ZFPM2: variants seen among roughly 807,000 people sequenced by gnomAD.
The protein encoded by ZFPM2 is zinc finger protein ZFPM2.
ZFPM2 carries 20 observed loss-of-function variants against 98.6 expected under a neutral mutation model. The ratio of observed to expected loss-of-function variants is 0.20; its 90% CI spans 0.14 to 0.29. The LOEUF (loss-of-function observed/expected upper bound fraction) is 0.29. Ranked by LOEUF, ZFPM2 falls within the 10% of genes least tolerant of loss-of-function variation. ZFPM2 has a pLI of 1.00. For synonymous variants in ZFPM2, 518 were observed against 502.7 expected, an observed-to-expected ratio of 1.03 and a Z score of -0.41; for missense variants, 1,310 against 1,388.6, an observed-to-expected ratio of 0.94 and a Z score of 0.90.
chr8:105,718,968 T>C (rs1811592504), intron 5 of ZFPM2, among the ~76,000 whole-genome samples: 2 of 151,826 alleles, frequency 1.3e-5, no homozygotes, highest in African/African-American at 4.8e-5. Flanking sequence ...GATTTAAGCC[T>C]CTAACTCAAA....
intron 3 of ZFPM2, among the ~76,000 whole-genome samples, chr8:105,544,786 A>G (rs1436137245): frequency 6.6e-6 from 1 of 152,208 alleles, no homozygotes; most frequent in East Asian, 1.9e-4. Context: ...GGTGATGCTC[A>G]TTACATGTTT....
intron 3 of ZFPM2, among the ~76,000 whole-genome samples, chr8:105,522,378 A>G (rs1052239403): frequency 3.3e-5 from 5 of 152,206 alleles, no homozygotes; most frequent in African/African-American, 1.2e-4. Context: ...GCTATTTTCT[A>G]CTTAGAACAT....
At chr8:105,650,140 C>T (rs528097053) in intron 5 of ZFPM2, among the ~76,000 whole-genome samples, 1 of 152,264 alleles carries the variant, frequency 6.6e-6, no homozygotes, top group African/African-American at 2.4e-5. Context: ...TCCATTTCTT[C>T]TAGATTTTCT....
At chr8:105,449,090 C>T (rs1035672278) in intron 3 of ZFPM2, among the ~76,000 whole-genome samples, 1 of 152,010 alleles carries the variant, frequency 6.6e-6, no homozygotes, top group Non-Finnish European at 1.5e-5. Context: ...TCACATCTTA[C>T]TTACATCAAC....
chr8:105,594,018 C>T (rs1198366903), intron 4 of ZFPM2, among the ~76,000 whole-genome samples: 3 of 152,060 alleles, frequency 2.0e-5, no homozygotes, highest in Non-Finnish European at 2.9e-5. Context: ...GTATTAAAAC[C>T]GCTCTCATAT....
chr8:105,792,197 G>T (rs1302919896), intron 6 of ZFPM2, among the ~76,000 whole-genome samples: 2 of 152,066 alleles, frequency 1.3e-5, no homozygotes, highest in Non-Finnish European at 2.9e-5. Flanking sequence ...GTCAATTTTG[G>T]ATCTTTCCTG....
chr8:105,495,563 G>C (rs1813450653), intron 3 of ZFPM2, among the ~76,000 whole-genome samples: 2 of 152,168 alleles, frequency 1.3e-5, no homozygotes, highest in South Asian at 4.1e-4. Flanking sequence ...GCTTGTTCCT[G>C]CCTTATAAAT....
intron 4 of ZFPM2, among the ~76,000 whole-genome samples, chr8:105,563,698 G>A (rs1431309526): frequency 6.6e-6 from 1 of 152,118 alleles, no homozygotes; most frequent in Non-Finnish European, 1.5e-5. Flanking sequence ...ATCAAAGATT[G>A]AATTAAATGC....
chr8:105,777,605 A>G (rs1813133851), intron 5 of ZFPM2, among the ~76,000 whole-genome samples: 1 of 152,180 alleles, frequency 6.6e-6, no homozygotes, highest in African/African-American at 2.4e-5. Flanking sequence ...TATATAGTAC[A>G]AATGAAAAAA....
chr8:105,494,840 G>A (rs534234086), intron 3 of ZFPM2, among the ~76,000 whole-genome samples: 2 of 152,150 alleles, frequency 1.3e-5, no homozygotes, highest in South Asian at 2.1e-4. Flanking sequence ...AGGTTTTTAG[G>A]CCAAAAGGCA....
intron 5 of ZFPM2, among the ~76,000 whole-genome samples, chr8:105,684,665 A>T (rs1253671639): frequency 6.6e-6 from 1 of 152,120 alleles, no homozygotes; most frequent in Non-Finnish European, 1.5e-5. Context: ...TAATGAAATG[A>T]GGAGTATGAT....
At chr8:105,382,996 A>G (rs1279313046) in intron 1 of ZFPM2, among the ~76,000 whole-genome samples, 2 of 152,154 alleles carry the variant, frequency 1.3e-5, no homozygotes, top group Non-Finnish European at 2.9e-5. Flanking sequence ...TTAAGTAGAA[A>G]TATATATTTA....
At chr8:105,489,456 A>T (rs1365303960) in intron 3 of ZFPM2, among the ~76,000 whole-genome samples, 3 of 72,484 alleles carry the variant, frequency 4.1e-5, no homozygotes, top group Admixed American at 1.8e-4. Flanking sequence ...TTTTATATAT[A>T]TATATATATA....
At chr8:105,606,598 G>T (rs1396750853) in intron 4 of ZFPM2, among the ~76,000 whole-genome samples, 4 of 151,968 alleles carry the variant, frequency 2.6e-5, no homozygotes, top group African/African-American at 9.7e-5. Flanking sequence ...ACAAAGGCTG[G>T]CACAGAGCAA....
chr8:105,365,767 CCTTA>C (rs1199224603), intron 1 of ZFPM2, among the ~76,000 whole-genome samples: 2 of 152,118 alleles, frequency 1.3e-5, no homozygotes, highest in Non-Finnish European at 2.9e-5. Context: ...GCCAGGACCA[CCTTA>C]CTTAGTGGCC....
chr8:105,431,503 G>T (rs1228715973), intron 2 of ZFPM2, among the ~76,000 whole-genome samples: 2 of 152,160 alleles, frequency 1.3e-5, no homozygotes, highest in East Asian at 3.9e-4. Flanking sequence ...CACAGGGAAG[G>T]TCCTGGATAT....
In ZFPM2 at chr8:105,358,726, G is replaced by A. The variant is rs544895395; in HGVS notation, c.40+39745G>A. On this transcript the variant is annotated intron_variant, in intron 1 of 7. Coordinates refer to ENST00000407775, the MANE Select transcript of ZFPM2 (RefSeq NM_012082.4). ...AATCCCAGCAGTTTGGGAGGCTGAG[G>A]TGGGTGGATCATGAGGTCAAGAGAT... is the stretch of plus-strand genomic sequence containing the variant. 6 of 152,496 alleles carry A rather than the reference G, an allele frequency of 3.9e-5. No homozygotes were observed. In the South Asian group the frequency reaches 1.2e-3, roughly 32 times the overall value. The allele number at this position is 152,496 out of a possible 1,614,324, so 9.4% of individuals were successfully genotyped here. A position where few individuals can be genotyped will look rare whatever the true frequency, so the allele number is the denominator to read the frequency against.
rs3779768 is a variant in ZFPM2 at position 105,419,998 on chromosome 8, A to G, written c.199+696A>G. ...CAGTTTAAGGTTCCTCATGATTCTT[A>G]TATATTTATTTTTATCAGATTGTTT... On this transcript the variant is annotated intron_variant, in intron 2 of 7. Coordinates refer to ENST00000407775, the MANE Select transcript of ZFPM2 (RefSeq NM_012082.4). Among the ~76,000 whole-genome samples, 3 of 152,050 alleles carry G rather than the reference A, an allele frequency of 2.0e-5. No homozygotes were observed. The East Asian group carries it at 5.8e-4, about 29-fold the overall frequency.
chr8:105,698,106 G>T (rs1043747022), intron 5 of ZFPM2, among the ~76,000 whole-genome samples: 8 of 152,168 alleles, frequency 5.3e-5, no homozygotes, highest in South Asian at 2.1e-4. Flanking sequence ...TATGCAAATG[G>T]TGTGTACTCA....
Sources: allele counts gnomAD v4.1 joint callset (sites outside exome capture counted in the v4.1 genomes callset), GRCh38; gene constraint gnomAD v4.1.1; transcripts MANE v1.5; gene names NCBI Gene and HGNC (gene_info 2026-07-23, HGNC 2026-07-21).